Variants in MYO1F observed in about 807,000 individuals in gnomAD.
The protein encoded by MYO1F is unconventional myosin-If.
Under a neutral mutation model 146.6 loss-of-function variants are expected in MYO1F, and 60 were observed. That is an observed-to-expected ratio of 0.41 (90% CI 0.33 to 0.51). The LOEUF is 0.51. MYO1F is among the 20% of genes least tolerant of loss of function. MYO1F has a pLI of 0.25. For synonymous variants in MYO1F, 602 were observed against 602.1 expected (o/e 1.00, Z 0.00); for missense variants, 1,274 against 1,534.3 (o/e 0.83, Z 2.83).
chr19:8,550,640 G>A lies in MYO1F; in HGVS notation c.826C>T (p.Leu276Phe). The A allele has an allele frequency of 1.2e-6, 2 of 1,614,148 alleles. No homozygotes were observed. The highest frequency in any genetic ancestry group is 1.7e-6 in the Non-Finnish European group (2 of 1,180,042). The change falls in exon 9 of 28, where the codon CTC becomes TTC. Residue 276 changes from leucine (L) to phenylalanine (F), a missense_variant. Around this residue, in one of 2 missense-constraint regions of MYO1F, gnomAD observed 900 missense variants for 1,155.1 expected, o/e 0.78. Transcript: ENST00000644032. ...PPSIQQLVLQ[L>F]VAGILHLGNI... ...CCCAGGTGCAAGATCCCCGCCACGAGCTGCAGGACCAGCTGCTGGATGCTG... is the reference window on the plus strand; with the variant it reads ...CCCAGGTGCAAGATCCCCGCCACGAACTGCAGGACCAGCTGCTGGATGCTG...
chr19:8,574,563 CTT>C (rs1568380723), intron 1 of MYO1F, among the ~76,000 whole-genome samples: 15 of 89,182 alleles, frequency 1.7e-4, no homozygotes, highest in Non-Finnish European at 3.2e-4. Flanking sequence ...TTCTTTCTTT[CTT>C]TCTTTCTTTC....
intron 1 of MYO1F, among the ~76,000 whole-genome samples, chr19:8,563,001 T>C (rs2041933731): frequency 6.6e-6 from 1 of 151,878 alleles, no homozygotes. Context: ...TCTTTCCTTT[T>C]TTTGTTTTGA....
At chr19:8,559,931 CAA>C (rs1233283233) in intron 1 of MYO1F, among the ~76,000 whole-genome samples, 4 of 102,610 alleles carry the variant, frequency 3.9e-5, no homozygotes, top group African/African-American at 1.4e-4. Flanking sequence ...GCCTGGGCAA[CAA>C]GAGCAAAACT....
intron 2 of MYO1F, among the ~76,000 whole-genome samples, chr19:8,555,146 C>T (rs1364088860): frequency 6.6e-6 from 1 of 151,578 alleles, no homozygotes; most frequent in Admixed American, 6.6e-5. Flanking sequence ...CGTGCCATTG[C>T]ACTCCAGCCT....
At chr19:8,551,977 G>A in intron 7 of MYO1F, 56 bp downstream of exon 7, 7 of 1,613,522 alleles carry the variant, frequency 4.3e-6, no homozygotes, top group Non-Finnish European at 5.9e-6. Context: ...CCTTCCCATT[G>A]TCCACCCCGC....
rs552758347 is a variant in MYO1F at position 8,533,333 on chromosome 19, A to ATTCTTC, written c.2044-2766_2044-2761dup. ...CGTGAGCCAGCGTGCCCAGCCTCAG[A>ATTCTTC]TTCTTCTTCTTCTTCTTCTTCTTCT... is the stretch of plus-strand genomic sequence containing the variant. On this transcript the variant is annotated intron_variant, in intron 19 of 27. Transcript: ENST00000644032. Among the ~76,000 whole-genome samples the ATTCTTC allele has an allele frequency of 8.5e-4, 116 of 135,772 alleles. 2 individuals are homozygous for ATTCTTC. Among genetic ancestry groups the ATTCTTC allele is most frequent in the African/African-American group, 1.2e-3 (43 of 35,238 alleles). 89.1% of individuals were successfully genotyped at this position (135,772 alleles called of 152,430 possible). A position where few individuals can be genotyped will look rare whatever the true frequency, so the allele number is the denominator to read the frequency against.
At chr19:8,562,066 G>A (rs1974160468) in intron 1 of MYO1F, among the ~76,000 whole-genome samples, 1 of 150,756 alleles carries the variant, frequency 6.6e-6, no homozygotes, top group South Asian at 2.1e-4. Flanking sequence ...ATGGAGTCTT[G>A]CTCTGTCGCC....
rs572340294 is a variant in MYO1F at position 8,550,740 on chromosome 19, CA to C, written c.772-47del. ...AAACTGTGCCGTGAATCCTGGCCTC[CA>C]ACCTGCCTCCAGGGGCAGGCTTGAG... On this transcript the variant is annotated intron_variant, in intron 8 of 27. Coordinates refer to ENST00000644032, the MANE Select transcript of MYO1F (RefSeq NM_012335.4). 1.9e-4 allele frequency: 309 copies of C among 1,612,256 alleles called. No individual in the cohort carries two copies. In the African/African-American group the frequency reaches 3.7e-3, roughly 19 times the overall value.
At chr19:8,566,508 A>T (rs975012860) in intron 1 of MYO1F, among the ~76,000 whole-genome samples, 12 of 145,960 alleles carry the variant, frequency 8.2e-5, no homozygotes, top group African/African-American at 3.0e-4. Flanking sequence ...TTATTTATTT[A>T]ATTTAATTAA....
intron 1 of MYO1F, among the ~76,000 whole-genome samples, chr19:8,563,802 G>A (rs1033198835): frequency 1.3e-5 from 2 of 151,886 alleles, no homozygotes; most frequent in Admixed American, 6.6e-5. Context: ...GTGAGCCACC[G>A]CGCCTGGCTT....
intron 1 of MYO1F, among the ~76,000 whole-genome samples, chr19:8,561,995 A>G (rs999303315): frequency 6.6e-6 from 1 of 150,718 alleles, no homozygotes; most frequent in South Asian, 2.1e-4. Flanking sequence ...GATTACAGGC[A>G]TGAGCCACTG....
intron 22 of MYO1F, 129 bp from the exon 23 acceptor site, chr19:8,527,064 T>A: frequency 1.6e-6 from 2 of 1,288,662 alleles, no homozygotes; most frequent in African/African-American, 1.5e-5. Flanking sequence ...GGTGACCAGG[T>A]AGGAGAAAAA....
intron 21 of MYO1F, chr19:8,529,880 A>G: frequency 1.9e-6 from 1 of 524,402 alleles, no homozygotes; most frequent in Middle Eastern, 5.4e-4. Context: ...TGGGGGATAG[A>G]TACCTGTGGG....
At chr19:8,558,071 C>G (rs28566606) in intron 1 of MYO1F, among the ~76,000 whole-genome samples, 10,336 of 152,188 alleles carry the variant, frequency 0.068, 1,117 homozygotes, top group African/African-American at 0.22. Context: ...TGGCCTTCTC[C>G]TCTGTGTCCC....
chr19:8,529,995 T>TACCTC, intron 21 of MYO1F: 1 of 706,930 alleles, frequency 1.4e-6, no homozygotes, highest in Non-Finnish European at 2.5e-6. Flanking sequence ...GGTGAGGGTA[T>TACCTC]ACCTGTGATG....
At chr19:8,553,916 T>TCTCTCTCG (rs1456624585) in intron 4 of MYO1F, among the ~76,000 whole-genome samples, 15 of 141,442 alleles carry the variant, frequency 1.1e-4, no homozygotes, top group African/African-American at 3.8e-4. Flanking sequence ...TCTCTCTCTC[T>TCTCTCTCG]CTCTCTCGCT....
At chr19:8,542,451 C>T (rs1352122596) in intron 14 of MYO1F, among the ~76,000 whole-genome samples, 1 of 150,986 alleles carries the variant, frequency 6.6e-6, no homozygotes, top group Non-Finnish European at 1.5e-5. Context: ...AGGGTAACAG[C>T]CCTGTCTCAG....
chr19:8,576,473 A>G (rs117296106), intron 1 of MYO1F: 2,651 of 152,602 alleles, frequency 0.017, 41 homozygotes, highest in Admixed American at 0.034. Flanking sequence ...ATGAAAGCTG[A>G]AGTGGTCTAC....
chr19:8,561,118 A>G (rs1974081833), intron 1 of MYO1F, among the ~76,000 whole-genome samples: 1 of 151,902 alleles, frequency 6.6e-6, no homozygotes, highest in African/African-American at 2.4e-5. Context: ...TCCTGGGCTC[A>G]AGTGATCCTC....
Sources: allele counts gnomAD v4.1 joint callset (sites outside exome capture counted in the v4.1 genomes callset), GRCh38; gene constraint gnomAD v4.1.1; regional missense constraint gnomAD v4.1.1; transcripts MANE v1.5; gene names NCBI Gene and HGNC (gene_info 2026-07-23, HGNC 2026-07-21).